SYNE2: variants seen among roughly 807,000 people sequenced by gnomAD.
SYNE2 encodes nesprin-2.
Under a neutral mutation model 856.3 loss-of-function variants are expected in SYNE2, and 431 were observed. That is an observed-to-expected ratio of 0.50 (90% confidence interval 0.47 to 0.55). The LOEUF is 0.55. Among genes scored for constraint, SYNE2 ranks in the 20% least tolerant of loss-of-function variants. SYNE2 has a pLI of 0.00. For synonymous variants in SYNE2, 2,923 were observed against 2,872.3 expected, an observed-to-expected ratio of 1.02 and a Z score of -0.56; for missense variants, 8,129 against 8,023.2, an observed-to-expected ratio of 1.01 and a Z score of -0.50.
intron 85 of SYNE2, among the ~76,000 whole-genome samples, chr14:64,155,896 G>A (rs761423129): frequency 6.6e-6 from 1 of 152,142 alleles, no homozygotes; most frequent in Non-Finnish European, 1.5e-5. Context: ...TAAGAGCAAG[G>A]GCTTTGCAGT....
At chr14:64,163,073 A>G (rs1467677535) in intron 88 of SYNE2, among the ~76,000 whole-genome samples, 2 of 152,218 alleles carry the variant, frequency 1.3e-5, no homozygotes, top group African/African-American at 4.8e-5. Flanking sequence ...TTGAAACAGC[A>G]TGAAAGCAGA....
intron 1 of SYNE2, among the ~76,000 whole-genome samples, chr14:63,880,147 G>A (rs957884608): frequency 1.3e-5 from 2 of 152,148 alleles, no homozygotes; most frequent in African/African-American, 4.8e-5. Flanking sequence ...CTGGAGTGCA[G>A]TAGCACGATC....
intron 1 of SYNE2, among the ~76,000 whole-genome samples, chr14:63,875,209 A>G (rs972802888): frequency 2.0e-5 from 3 of 152,290 alleles, no homozygotes; most frequent in East Asian, 1.9e-4. Context: ...CACTTTGCCA[A>G]ACTTTCAAGT....
chr14:64,038,421 C>T (rs1321215622), intron 45 of SYNE2, among the ~76,000 whole-genome samples: 3 of 152,278 alleles, frequency 2.0e-5, no homozygotes, highest in Admixed American at 6.5e-5. Flanking sequence ...AGAGACACTC[C>T]TCACTTCCCA....
At chr14:63,963,829 T>A in intron 9 of SYNE2, 70 bp from the exon 10 acceptor site, 1 of 985,022 alleles carries the variant, frequency 1.0e-6, no homozygotes, top group Non-Finnish European at 1.6e-6. Flanking sequence ...TGTTTCAAGT[T>A]GCTAATTTTT....
intron 59 of SYNE2, 27 bp from the exon 60 acceptor site, chr14:64,090,839 G>A (rs2097605963): frequency 6.2e-7 from 1 of 1,600,572 alleles, no homozygotes; most frequent in Admixed American, 1.7e-5. Context: ...TTTCATTTCT[G>A]TAACATGCTC....
chr14:64,053,705 G>T, intron 48 of SYNE2, 48 bp downstream of exon 48: 1 of 1,570,356 alleles, frequency 6.4e-7, no homozygotes, highest in Non-Finnish European at 8.7e-7. Context: ...GGGGGCTCAC[G>T]CCTGTAATCC....
At chr14:63,916,084 T>G (rs1210903682) in intron 2 of SYNE2, among the ~76,000 whole-genome samples, 2 of 152,156 alleles carry the variant, frequency 1.3e-5, no homozygotes, top group African/African-American at 4.8e-5. Flanking sequence ...GTTGATGTCA[T>G]GTGGAAGTGA....
At position 63,949,878 on chromosome 14, in the gene SYNE2, T is replaced by C; in HGVS notation, c.462T>C (p.Asp154=). Reference sequence around the variant, plus strand: ...GCAATTACAATCAGCCTTCCCTGGATGATGTGAGTGTGGTTGACTCATCTC... The same window carrying C: ...GCAATTACAATCAGCCTTCCCTGGACGATGTGAGTGTGGTTGACTCATCTC... ...LSCNYNQPSL[D]DVSVVDSSPA... Residue 154 remains aspartate (D), a synonymous_variant, in exon 7 of 116, where the codon GAT becomes GAC. Coordinates refer to ENST00000555002, the MANE Select transcript of SYNE2 (RefSeq NM_182914.3). The C allele has an allele frequency of 6.2e-7, 1 of 1,614,208 alleles. No homozygotes were observed. Among genetic ancestry groups the C allele is most frequent in the South Asian group, 1.1e-5 (1 of 91,084 alleles).
In SYNE2 at chr14:64,214,430, C is replaced by T. The variant is rs149178992; in HGVS notation, c.19293C>T (p.His6431=). 26 of 1,613,794 alleles carry T rather than the reference C, an allele frequency of 1.6e-5. No homozygotes were observed. Among genetic ancestry groups the T allele is most frequent in the Middle Eastern group, 1.7e-4 (1 of 6,056 alleles). The part of the protein sequence containing the change: ...HTGDVGGSSS[H]EEDEEGPYYS... ...GCGACGTGGGGGGCTCCTCCTCTCA[C>T]GAAGAGGACGAGGAGGGCCCATACT... The change falls in exon 106 of 116, where the codon CAC becomes CAT. Residue 6431 remains histidine (H), a synonymous_variant. Coordinates refer to ENST00000555002, the MANE Select transcript of SYNE2 (RefSeq NM_182914.3).
Position 63,998,200 on chromosome 14 carries a change from A to C in SYNE2, c.3244-19A>C. The C allele has an allele frequency of 2.0e-6, 3 of 1,529,966 alleles. No homozygotes were observed. The highest frequency in any genetic ancestry group is 2.7e-6 in the Non-Finnish European group (3 of 1,103,102). The allele number at this position is 1,529,966 out of a possible 1,614,324, so 94.8% of individuals were successfully genotyped here. A position where few individuals can be genotyped will look rare whatever the true frequency, so the allele number is the denominator to read the frequency against. On this transcript the variant is annotated intron_variant, in intron 25 of 115. Coordinates refer to ENST00000555002, the MANE Select transcript of SYNE2 (RefSeq NM_182914.3). The stretch of plus-strand genomic sequence containing the variant: ...GTATGTTTAAGATATTTCGTTTACT[A>C]TTTTGCATATTCCCTTAGGCAATGG...
chr14:64,081,596 G>C lies in SYNE2; in HGVS notation c.11484+16G>C. On this transcript the variant is annotated intron_variant, in intron 57 of 115. Coordinates refer to ENST00000555002, the MANE Select transcript of SYNE2 (RefSeq NM_182914.3). ...CACTGTGCAGGTAAGTGTTCTTCCA[G>C]GTTTTCTGCCACTCATAGCATCTAC... 6 of 1,613,580 alleles carry C rather than the reference G, an allele frequency of 3.7e-6. No homozygotes were observed. The highest frequency in any genetic ancestry group is 5.1e-6 in the Non-Finnish European group (6 of 1,179,880).
Position 64,011,236 on chromosome 14 carries a change from C to G in SYNE2, c.4728+1120C>G, listed in dbSNP as rs947211759. On this transcript the variant is annotated intron_variant, in intron 32 of 115. Transcript: ENST00000555002. The stretch of plus-strand genomic sequence containing the variant: ...GGAAGCAGCCCTGTTTAGATACCAG[C>G]TGTACAGTATGTGACTGTGTAGCTG... Among the ~76,000 whole-genome samples, 6 of 152,312 alleles carry G rather than the reference C, an allele frequency of 3.9e-5. No homozygotes were observed. In the South Asian group the frequency reaches 8.3e-4, roughly 21 times the overall value.
intron 94 of SYNE2, among the ~76,000 whole-genome samples, chr14:64,174,322 T>C (rs1319261766): frequency 6.6e-6 from 1 of 152,192 alleles, no homozygotes; most frequent in Non-Finnish European, 1.5e-5. Context: ...TCTGCCTGTC[T>C]TGGCCTCCCA....
At chr14:64,167,703 C>G in intron 92 of SYNE2, 64 bp downstream of exon 92, 4 of 1,608,722 alleles carry the variant, frequency 2.5e-6, no homozygotes, top group Non-Finnish European at 3.4e-6. Flanking sequence ...GGAAAGATAG[C>G]TTTAAATAAA....
chr14:63,992,766 A>G (rs1044929649), intron 21 of SYNE2, among the ~76,000 whole-genome samples: 1 of 152,214 alleles, frequency 6.6e-6, no homozygotes, highest in Non-Finnish European at 1.5e-5. Flanking sequence ...GGGAGCTCCC[A>G]GCTATGAATA....
At chr14:64,017,056 A>C (rs1367900259) in intron 33 of SYNE2, among the ~76,000 whole-genome samples, 2 of 152,148 alleles carry the variant, frequency 1.3e-5, no homozygotes, top group African/African-American at 4.8e-5. Context: ...TAGACCCAGC[A>C]TGGTGGCTCA....
At chr14:64,146,638 T>G (rs1337433082) in intron 84 of SYNE2, among the ~76,000 whole-genome samples, 1 of 152,246 alleles carries the variant, frequency 6.6e-6, no homozygotes, top group East Asian at 1.9e-4. Context: ...CTACCTATTG[T>G]GTATTATGCT....
chr14:64,202,741 T>A, intron 99 of SYNE2, 60 bp from the exon 100 acceptor site: 1 of 1,610,536 alleles, frequency 6.2e-7, no homozygotes, highest in South Asian at 1.1e-5. Context: ...AGTATTGGGC[T>A]TTTGTTTTCC....
Sources: allele counts gnomAD v4.1 joint callset (sites outside exome capture counted in the v4.1 genomes callset), GRCh38; gene constraint gnomAD v4.1.1; transcripts MANE v1.5; gene names NCBI Gene and HGNC (gene_info 2026-07-23, HGNC 2026-07-21).